The following CLUAP1 variants were observed in gnomAD, a reference collection of about 807,000 sequenced individuals.
CLUAP1 encodes the protein clusterin-associated protein 1.
CLUAP1 carries 50 observed loss-of-function variants against 55.0 expected under a neutral mutation model. That is an observed-to-expected ratio of 0.91 (90% CI 0.72 to 1.15). The LOEUF (loss-of-function observed/expected upper bound fraction) is 1.15. CLUAP1 is among the 50% of genes most tolerant of loss of function. CLUAP1 has a pLI of 0.00. For missense variants in CLUAP1, 530 were observed against 507.6 expected, an observed-to-expected ratio of 1.04 and a Z score of -0.42; for synonymous variants, 195 against 175.4, an observed-to-expected ratio of 1.11 and a Z score of -0.88.
chr16:3,518,186 G>A (rs112621268), intron 6 of CLUAP1, among the ~76,000 whole-genome samples: 27 of 152,240 alleles, frequency 1.8e-4, no homozygotes, highest in African/African-American at 4.1e-4. Flanking sequence ...CAGGTTTTCC[G>A]TAAATTTTTG....
At chr16:3,529,611 ATATAATATTATATATTATATAT>A (rs2038040458) in intron 9 of CLUAP1, among the ~76,000 whole-genome samples, 1 of 37,220 alleles carries the variant, frequency 2.7e-5, no homozygotes, top group Non-Finnish European at 4.1e-5. Flanking sequence ...ATTATATATT[ATATAATATTATATATTATATAT>A]TATTATATAT....
chr16:3,495,834 G>A, the CLUAP1 span, among the ~76,000 whole-genome samples: 1 of 152,130 alleles, frequency 6.6e-6, no homozygotes. Flanking sequence ...GGCTGGGGGC[G>A]GTGGCTCATG....
chr16:3,529,470 T>TAATA (rs1367180688), intron 9 of CLUAP1, among the ~76,000 whole-genome samples: 1 of 72,164 alleles, frequency 1.4e-5, no homozygotes, highest in Non-Finnish European at 2.5e-5. Flanking sequence ...ATAATATATA[T>TAATA]TATATTATAT....
chr16:3,514,521 G>A (rs2151051670), intron 5 of CLUAP1, among the ~76,000 whole-genome samples: 1 of 152,232 alleles, frequency 6.6e-6, no homozygotes, highest in East Asian at 1.9e-4. Flanking sequence ...CACAAGACGA[G>A]TTTTGACACA....
At chr16:3,500,792 C>T, upstream of CLUAP1, 1 of 538,012 alleles carries the variant, frequency 1.9e-6, no homozygotes, top group Non-Finnish European at 3.3e-6. Flanking sequence ...GTCCGCAAAG[C>T]GTGTAAACAG....
intron 1 of CLUAP1, among the ~76,000 whole-genome samples, chr16:3,503,911 A>G (rs2037456049): frequency 6.6e-6 from 1 of 152,212 alleles, no homozygotes; most frequent in South Asian, 2.1e-4. Flanking sequence ...GTGAACATTG[A>G]TGGACCATTT....
At chr16:3,531,478 C>T (rs1263483023) in intron 10 of CLUAP1, among the ~76,000 whole-genome samples, 2 of 151,630 alleles carry the variant, frequency 1.3e-5, no homozygotes, top group Non-Finnish European at 2.9e-5. Context: ...GCCGAGATCA[C>T]GCCACTGCAC....
chr16:3,516,978 G>A (rs2151054033), intron 6 of CLUAP1, among the ~76,000 whole-genome samples: 1 of 152,174 alleles, frequency 6.6e-6, no homozygotes, highest in South Asian at 2.1e-4. Flanking sequence ...AAATAAATAA[G>A]TTAGAATAAT....
intron 11 of CLUAP1, 26 bp downstream of exon 11, chr16:3,532,867 T>C (rs1279283088): frequency 6.8e-6 from 11 of 1,612,452 alleles, no homozygotes; most frequent in Non-Finnish European, 8.5e-6. Context: ...CCCTCAGTGG[T>C]TCTGTGCACT....
intron 7 of CLUAP1, among the ~76,000 whole-genome samples, chr16:3,520,775 T>C (rs1310007466): frequency 6.6e-6 from 1 of 152,188 alleles, no homozygotes; most frequent in African/African-American, 2.4e-5. Context: ...CAGTCAGTAA[T>C]TCATCTTTCT....
chr16:3,500,964 C>A, upstream of CLUAP1: 1 of 1,215,690 alleles, frequency 8.2e-7, no homozygotes, highest in Non-Finnish European at 1.2e-6. Flanking sequence ...TGACCGTGCG[C>A]CGTCCAAGGG....
chr16:3,512,101 AC>A (rs1713862597), intron 4 of CLUAP1, among the ~76,000 whole-genome samples: 1 of 151,508 alleles, frequency 6.6e-6, no homozygotes, highest in South Asian at 2.1e-4. Flanking sequence ...CAGGAAAATT[AC>A]TTGAACCTGG....
intron 4 of CLUAP1, among the ~76,000 whole-genome samples, chr16:3,510,674 CTGAGT>C (rs947889062): frequency 2.8e-4 from 42 of 152,286 alleles, no homozygotes; most frequent in African/African-American, 9.9e-4. Context: ...AACTGAGGAA[CTGAGT>C]TGAGTTCTGC....
At chr16:3,510,075 A>T (rs1275793738) in intron 4 of CLUAP1, 2 of 145,606 alleles carry the variant, frequency 1.4e-5, no homozygotes, top group Non-Finnish European at 3.0e-5. Context: ...GCTCACTGCA[A>T]CCTCTGCCTC....
chr16:3,517,711 T>A (rs1249247847), intron 6 of CLUAP1, among the ~76,000 whole-genome samples: 2 of 152,194 alleles, frequency 1.3e-5, no homozygotes, highest in Non-Finnish European at 2.9e-5. Context: ...AACATCATCG[T>A]TACAGAACAA....
intron 7 of CLUAP1, among the ~76,000 whole-genome samples, chr16:3,521,393 A>G (rs1243912985): frequency 1.3e-5 from 2 of 151,960 alleles, no homozygotes; most frequent in African/African-American, 4.8e-5. Context: ...GAAAAAAGAA[A>G]AAGTTCAGCA....
Position 3,536,382 on chromosome 16 carries a change from C to T in CLUAP1, c.*111C>T. ...TTTTGTTTACTAAGCTGGCTGGACT[C>T]ATGATCACTGAAGCAATACTTATTT... is the stretch of plus-strand genomic sequence containing the variant. On this transcript the variant is annotated 3_prime_UTR_variant, in exon 12 of 12. Coordinates refer to ENST00000576634, the MANE Select transcript of CLUAP1 (RefSeq NM_015041.3). The T allele has an allele frequency of 8.9e-7, 1 of 1,129,486 alleles. No homozygotes were observed. The highest frequency in any genetic ancestry group is 1.6e-5 in the South Asian group (1 of 63,990). The allele number at this position is 1,129,486 out of a possible 1,614,324, so 70.0% of individuals were successfully genotyped here. A position where few individuals can be genotyped will look rare whatever the true frequency, so the allele number is the denominator to read the frequency against.
upstream of CLUAP1, among the ~76,000 whole-genome samples, chr16:3,498,072 T>C (rs1567416543): frequency 6.6e-6 from 1 of 152,168 alleles, no homozygotes; most frequent in East Asian, 1.9e-4. Flanking sequence ...TAAGTCTGGG[T>C]TCAAAAGCAT....
chr16:3,530,484 T>C (rs1269109388), intron 9 of CLUAP1, 84 bp from the exon 10 acceptor site: 1 of 910,924 alleles, frequency 1.1e-6, no homozygotes, highest in Non-Finnish European at 1.8e-6. Flanking sequence ...CAAATGACTT[T>C]TGCACACAGA....
Sources: gnomAD v4.1 joint callset for allele counts (sites outside exome capture counted in the v4.1 genomes callset) on GRCh38, gnomAD v4.1.1 for gene constraint, MANE v1.5 for transcripts, NCBI Gene and HGNC (gene_info 2026-07-23, HGNC 2026-07-21) for gene names.